The following EPSTI1 variants were observed in gnomAD, a reference collection of about 807,000 sequenced individuals.
EPSTI1 encodes the protein epithelial-stromal interaction protein 1.
Under a neutral mutation model 49.9 loss-of-function variants are expected in EPSTI1, and 66 were observed. The ratio of observed to expected loss-of-function variants is 1.32; its 90% CI spans 1.08 to 1.62. The LOEUF (loss-of-function observed/expected upper bound fraction) is 1.62, where lower values mean the gene tolerates loss of function less well. EPSTI1 is among the 40% of genes most tolerant of loss of function. EPSTI1 has a pLI of 0.00. For missense variants in EPSTI1, 394 were observed against 365.5 expected (o/e 1.08, Z -0.64); for synonymous variants, 137 against 130.7 (o/e 1.05, Z -0.33).
chr13:42,898,094 G>A (rs192568314), intron 9 of EPSTI1, among the ~76,000 whole-genome samples: 1 of 152,248 alleles, frequency 6.6e-6, no homozygotes, highest in Admixed American at 6.5e-5. Context: ...TAGTTACAAC[G>A]GGTTAGGTGC....
At position 42,888,041 on chromosome 13, in the gene EPSTI1, T is replaced by C. The variant is rs1448579157; in HGVS notation, c.*453A>G. On this transcript the variant is annotated 3_prime_UTR_variant, in exon 11 of 11. Coordinates refer to ENST00000313624, the MANE Select transcript of EPSTI1 (RefSeq NM_033255.5). Reference sequence around the variant, plus strand: ...TTTGTGTAAAAGAATATAAGACCTTTTTCTTTTGTACATATTTGTACCATA... The same window carrying C: ...TTTGTGTAAAAGAATATAAGACCTTCTTCTTTTGTACATATTTGTACCATA... 1.4e-5 allele frequency: 6 copies of C among 423,756 alleles called. No individual in the cohort carries two copies. The highest frequency in any genetic ancestry group is 1.6e-5 in the Non-Finnish European group (4 of 243,688). The allele number at this position is 423,756 out of a possible 1,614,324, so 26.2% of individuals were successfully genotyped here.
intron 1 of EPSTI1, among the ~76,000 whole-genome samples, chr13:42,983,563 C>CAAAAAAAAAAAAAAAAAAAA (rs56259281): frequency 3.1e-4 from 30 of 95,496 alleles, no homozygotes; most frequent in African/African-American, 8.7e-4. Context: ...GACTCCATCT[C>CAAAAAAAAAAAAAAAAAAAA]AAAAAAAAAA....
chr13:42,979,571 G>C (rs9562446), intron 1 of EPSTI1, among the ~76,000 whole-genome samples: 93,081 of 143,792 alleles, frequency 0.65, 30,291 homozygotes, highest in Middle Eastern at 0.83. Flanking sequence ...GGCGACAGAG[G>C]GAGACTCCGT....
intron 3 of EPSTI1, among the ~76,000 whole-genome samples, chr13:42,965,285 CAAAGTTTAATACATTCTAG>C: frequency 6.6e-6 from 1 of 152,260 alleles, no homozygotes; most frequent in South Asian, 2.1e-4. Flanking sequence ...AAACTCATCT[CAAAGTTTAATACATTCTAG>C]AATTTTCTTT....
intron 8 of EPSTI1, among the ~76,000 whole-genome samples, chr13:42,901,812 A>T (rs577055817): frequency 1.4e-4 from 21 of 152,222 alleles, no homozygotes; most frequent in African/African-American, 1.9e-4. Flanking sequence ...CATGTGCACA[A>T]TGTGCAGGTT....
At chr13:42,918,609 C>T (rs1425700748) in intron 7 of EPSTI1, among the ~76,000 whole-genome samples, 1 of 152,160 alleles carries the variant, frequency 6.6e-6, no homozygotes, top group East Asian at 1.9e-4. Flanking sequence ...AACCCATATC[C>T]CATCAAATAA....
At chr13:42,907,094 T>C (rs2037519619) in intron 8 of EPSTI1, among the ~76,000 whole-genome samples, 1 of 152,216 alleles carries the variant, frequency 6.6e-6, no homozygotes, top group Non-Finnish European at 1.5e-5. Flanking sequence ...ATTCCTCTTA[T>C]CTAATTGTAA....
Position 42,888,128 on chromosome 13 carries a change from T to A in EPSTI1, c.*366A>T. 2 of 1,174,988 alleles carry A rather than the reference T, an allele frequency of 1.7e-6. No individual in the cohort carries two copies. Among genetic ancestry groups the A allele is most frequent in the Non-Finnish European group, 2.4e-6 (2 of 840,286 alleles). The allele number at this position is 1,174,988 out of a possible 1,614,324, so 72.8% of individuals were successfully genotyped here. Reference sequence around the variant, plus strand: ...AGCTTTCAAAACCTGATCTGAGAATTAGATAAGAATATGTCACTTAGAAAG... The same window carrying A: ...AGCTTTCAAAACCTGATCTGAGAATAAGATAAGAATATGTCACTTAGAAAG... On this transcript the variant is annotated 3_prime_UTR_variant, in exon 11 of 11. Coordinates refer to ENST00000313624, the MANE Select transcript of EPSTI1 (RefSeq NM_033255.5).
chr13:42,961,850 G>A (rs1466619362), intron 5 of EPSTI1, among the ~76,000 whole-genome samples: 1 of 152,180 alleles, frequency 6.6e-6, no homozygotes, highest in East Asian at 1.9e-4. Flanking sequence ...AGTTTACTGG[G>A]CAGCAGCCAT....
At chr13:42,905,987 A>G (rs1219403753) in intron 8 of EPSTI1, among the ~76,000 whole-genome samples, 1 of 152,228 alleles carries the variant, frequency 6.6e-6, no homozygotes, top group African/African-American at 2.4e-5. Context: ...ACAAAATACC[A>G]TCCTAGAGAT....
chr13:42,901,164 G>T (rs530776798), intron 8 of EPSTI1, among the ~76,000 whole-genome samples: 5 of 152,088 alleles, frequency 3.3e-5, no homozygotes, highest in Non-Finnish European at 7.4e-5. Context: ...AAAATTATTA[G>T]GCCCAAGTCA....
rs762212440 is a variant in EPSTI1 at position 42,969,088 on chromosome 13, G to A, written c.331+6C>T. ...CCTCATTCCGGCAGCGGCTGTGCTT[G>A]CTTACCTAGCCGTCTGGGCACCAGG... On this transcript the variant is annotated splice_donor_region_variant and intron_variant, in intron 3 of 10. Transcript: ENST00000313624. The A allele has an allele frequency of 1.1e-5, 17 of 1,614,068 alleles. No homozygotes were observed. In the East Asian group the frequency reaches 3.8e-4, roughly 36 times the overall value.
At chr13:42,914,960 C>T (rs1399317472) in intron 8 of EPSTI1, among the ~76,000 whole-genome samples, 10 of 152,044 alleles carry the variant, frequency 6.6e-5, no homozygotes, top group Admixed American at 1.3e-4. Flanking sequence ...TCCTTTTGTC[C>T]CCAGAGCCAA....
chr13:42,888,420 T>G lies in EPSTI1; in HGVS notation c.*74A>C. The G allele has an allele frequency of 6.2e-7, 1 of 1,613,918 alleles. No individual in the cohort carries two copies. The highest frequency in any genetic ancestry group is 2.2e-5 in the East Asian group (1 of 44,844). On this transcript the variant is annotated 3_prime_UTR_variant, in exon 11 of 11. Coordinates refer to ENST00000313624, the MANE Select transcript of EPSTI1 (RefSeq NM_033255.5). ...GTAAAAACAGTGAGGCTGAACAAAA[T>G]CACATTAAGAAAAAGCATCTCATGA...
At chr13:42,889,768 T>C (rs1190861932) in intron 10 of EPSTI1, among the ~76,000 whole-genome samples, 1 of 152,230 alleles carries the variant, frequency 6.6e-6, no homozygotes, top group African/African-American at 2.4e-5. Flanking sequence ...TATGAACAGA[T>C]GTTTTAAAAT....
intron 8 of EPSTI1, among the ~76,000 whole-genome samples, chr13:42,903,163 C>CA (rs1224983332): frequency 6.6e-6 from 1 of 151,288 alleles, no homozygotes. Flanking sequence ...GACACAAAGA[C>CA]AAAAAAAGTA....
intron 10 of EPSTI1, chr13:42,889,132 G>A: frequency 1.7e-6 from 2 of 1,168,646 alleles, no homozygotes; most frequent in South Asian, 1.4e-5. Context: ...AGGATTTAGA[G>A]TTTCCACAGC....
At chr13:42,962,627 A>AAC (rs937627986) in intron 5 of EPSTI1, among the ~76,000 whole-genome samples, 11 of 151,394 alleles carry the variant, frequency 7.3e-5, no homozygotes, top group Non-Finnish European at 1.3e-4. Context: ...TACAAAAAAA[A>AAC]AAAAAAAATA....
At chr13:42,890,091 C>A (rs188636822) in intron 10 of EPSTI1, among the ~76,000 whole-genome samples, 95 of 152,212 alleles carry the variant, frequency 6.2e-4, no homozygotes, top group Admixed American at 1.2e-3. Flanking sequence ...CAACTGCATA[C>A]CGCATTAAAT....
Sources: allele counts gnomAD v4.1 joint callset (sites outside exome capture counted in the v4.1 genomes callset), GRCh38; gene constraint gnomAD v4.1.1; transcripts MANE v1.5; gene names NCBI Gene and HGNC (gene_info 2026-07-23, HGNC 2026-07-21).